Variants in NXPE4 observed in about 807,000 individuals in gnomAD.
The protein encoded by NXPE4 is neurexophilin and PC-esterase domain family member 4.
Under a neutral mutation model 33.3 loss-of-function variants are expected in NXPE4, and 42 were observed. The observed-to-expected ratio is 1.26, with a 90% CI of 0.98 to 1.63. The LOEUF is 1.63. NXPE4 is among the 40% of genes most tolerant of loss of function. The pLI, the probability that NXPE4 is intolerant of heterozygous loss-of-function variation, is 0.00. For synonymous variants in NXPE4, 253 were observed against 234.9 expected (o/e 1.08, Z -0.71); for missense variants, 709 against 647.6 (o/e 1.09, Z -1.03).
At chr11:114,637,074 C>G in the NXPE4 span, among the ~76,000 whole-genome samples, 64 of 151,946 alleles carry the variant, frequency 4.2e-4, no homozygotes, top group South Asian at 0.013. Flanking sequence ...GTTAAAGTCT[C>G]CCATTATTAA....
At chr11:114,633,617 C>G in the NXPE4 span, among the ~76,000 whole-genome samples, 1 of 150,180 alleles carries the variant, frequency 6.7e-6, no homozygotes, top group Non-Finnish European at 1.5e-5. Flanking sequence ...TCCCACCCTG[C>G]CCCCAGCCCA....
chr11:114,639,314 G>A, the NXPE4 span, among the ~76,000 whole-genome samples: 27,471 of 151,956 alleles, frequency 0.18, 2,953 homozygotes, highest in Non-Finnish European at 0.22. Context: ...CCTTAAGCCC[G>A]TCGGAAAAGT....
chr11:114,589,435 GGT>G (rs1949389657), intron 2 of NXPE4, among the ~76,000 whole-genome samples: 2 of 152,012 alleles, frequency 1.3e-5, no homozygotes, highest in Non-Finnish European at 2.9e-5. Context: ...AGGGGTGTGG[GGT>G]GTCTCATAAA....
At chr11:114,613,187 G>T in the NXPE4 span, among the ~76,000 whole-genome samples, 1 of 151,786 alleles carries the variant, frequency 6.6e-6, no homozygotes, top group Admixed American at 6.6e-5. Context: ...TTGCCTCTAG[G>T]GTAACCACTG....
the NXPE4 span, among the ~76,000 whole-genome samples, chr11:114,655,145 A>G: frequency 6.6e-6 from 1 of 152,080 alleles, no homozygotes; most frequent in Non-Finnish European, 1.5e-5. Context: ...GTCTGTTCAT[A>G]TCCTTTGCCT....
intron 4 of NXPE4, 88 bp from the exon 5 acceptor site, chr11:114,580,426 T>C (rs1949113796): frequency 5.7e-6 from 6 of 1,046,702 alleles, no homozygotes; most frequent in Non-Finnish European, 8.8e-6. Flanking sequence ...CTAAGTATCC[T>C]AAGAGGGGGT....
chr11:114,620,995 G>A, the NXPE4 span, among the ~76,000 whole-genome samples: 16 of 152,166 alleles, frequency 1.1e-4, no homozygotes, highest in Non-Finnish European at 1.9e-4. Context: ...TTGCCCTCTG[G>A]ATAATAGGTG....
At chr11:114,658,181 C>A in the NXPE4 span, among the ~76,000 whole-genome samples, 1 of 152,126 alleles carries the variant, frequency 6.6e-6, no homozygotes, top group Non-Finnish European at 1.5e-5. Flanking sequence ...CACAGGCCAA[C>A]CATCTAGCTT....
chr11:114,589,943 T>A (rs1161467505), intron 2 of NXPE4, among the ~76,000 whole-genome samples: 5 of 152,204 alleles, frequency 3.3e-5, no homozygotes, highest in Non-Finnish European at 7.3e-5. Flanking sequence ...CTAATCCAAA[T>A]GCCTGAGGGA....
At chr11:114,572,954 T>C (rs192766549) in intron 5 of NXPE4, among the ~76,000 whole-genome samples, 17 of 152,264 alleles carry the variant, frequency 1.1e-4, no homozygotes, top group Non-Finnish European at 1.3e-4. Flanking sequence ...TCTTAAGAGC[T>C]GTGAGGCAAA....
the NXPE4 span, among the ~76,000 whole-genome samples, chr11:114,626,155 G>A: frequency 6.6e-6 from 1 of 152,148 alleles, no homozygotes; most frequent in South Asian, 2.1e-4. Context: ...CGGGAAGCTC[G>A]AACTGGGTGG....
At chr11:114,663,630 T>TATCC in the NXPE4 span, among the ~76,000 whole-genome samples, 2 of 109,618 alleles carry the variant, frequency 1.8e-5, no homozygotes, top group African/African-American at 6.5e-5. Flanking sequence ...TCTATCTATC[T>TATCC]ATCTATCATC....
the NXPE4 span, among the ~76,000 whole-genome samples, chr11:114,614,312 C>T: frequency 1.3e-5 from 2 of 151,266 alleles, no homozygotes; most frequent in Admixed American, 6.6e-5. Flanking sequence ...AGTATTGCCT[C>T]GTAGGTAACC....
chr11:114,598,652 G>A (rs376582017), upstream of NXPE4, among the ~76,000 whole-genome samples: 319 of 151,434 alleles, frequency 2.1e-3, 2 homozygotes, highest in African/African-American at 7.4e-3. Context: ...AATGGCTTGA[G>A]CTGTACCTGG....
At chr11:114,575,149 G>A (rs1948968810) in intron 5 of NXPE4, among the ~76,000 whole-genome samples, 1 of 151,788 alleles carries the variant, frequency 6.6e-6, no homozygotes, top group Non-Finnish European at 1.5e-5. Flanking sequence ...GCATCCATTA[G>A]GATTAAAACC....
the NXPE4 span, among the ~76,000 whole-genome samples, chr11:114,636,280 G>A: frequency 1.3e-5 from 2 of 152,134 alleles, no homozygotes; most frequent in East Asian, 3.9e-4. Flanking sequence ...TCTGATGGTA[G>A]TTTGTATTTC....
intron 2 of NXPE4, among the ~76,000 whole-genome samples, chr11:114,588,181 C>T (rs894135885): frequency 6.6e-6 from 1 of 152,146 alleles, no homozygotes; most frequent in African/African-American, 2.4e-5. Context: ...TTCTTGTCCT[C>T]CCTCTCTGGG....
At chr11:114,661,885 T>G in the NXPE4 span, among the ~76,000 whole-genome samples, 9 of 152,150 alleles carry the variant, frequency 5.9e-5, no homozygotes, top group Non-Finnish European at 1.2e-4. Flanking sequence ...ATATGGTCAA[T>G]GGGTTTTTGA....
In NXPE4 at chr11:114,594,882, A is replaced by T. The variant is rs1949545172; in HGVS notation, c.-10-113T>A. Reference sequence around the variant, plus strand: ...GCTCATGATTACTTTTTAGCCTCAGATAAATAACTCCCAGAAATAAACCTT... The same window carrying T: ...GCTCATGATTACTTTTTAGCCTCAGTTAAATAACTCCCAGAAATAAACCTT... On this transcript the variant is annotated intron_variant, in intron 1 of 5. Transcript: ENST00000375478. The T allele has an allele frequency of 3.7e-5, 22 of 601,262 alleles. 1 individual carries two copies. In the South Asian group the frequency reaches 4.3e-4, roughly 12 times the overall value. 37.2% of individuals were successfully genotyped at this position (601,262 alleles called of 1,614,324 possible). A position where few individuals can be genotyped will look rare whatever the true frequency, so the allele number is the denominator to read the frequency against.
Sources: gnomAD v4.1 joint callset for allele counts (sites outside exome capture counted in the v4.1 genomes callset) on GRCh38, gnomAD v4.1.1 for gene constraint, MANE v1.5 for transcripts, NCBI Gene and HGNC (gene_info 2026-07-23, HGNC 2026-07-21) for gene names.